Variants in TCTN3 observed in about 807,000 individuals in gnomAD.
The protein encoded by TCTN3 is tectonic family member 3.
Under a neutral mutation model 71.3 loss-of-function variants are expected in TCTN3, and 57 were observed. The ratio of observed to expected loss-of-function variants is 0.80; its 90% CI spans 0.65 to 1.00. The LOEUF is 1.00. TCTN3 is among the 50% of genes least tolerant of loss of function. The pLI is 0.00. For synonymous variants in TCTN3, 258 were observed against 267.8 expected (o/e 0.96, Z 0.36); for missense variants, 696 against 719.9 (o/e 0.97, Z 0.38).
chr10:95,686,648 A>T (rs376397819), intron 6 of TCTN3, 118 bp from the exon 7 acceptor site: 1 of 929,832 alleles, frequency 1.1e-6, no homozygotes, highest in African/African-American at 1.7e-5. Context: ...TCAATATATT[A>T]GAATGATTTA....
intron 7 of TCTN3, 74 bp from the exon 8 acceptor site, chr10:95,685,710 G>A (rs1359911707): frequency 9.4e-6 from 11 of 1,173,020 alleles, no homozygotes; most frequent in Non-Finnish European, 1.2e-5. Context: ...TAGATATCAT[G>A]CTAAGATGAG....
At position 95,687,592 on chromosome 10, in the gene TCTN3, C is replaced by T. The variant is rs752918067; in HGVS notation, c.627G>A (p.Arg209=). 2 of 1,612,960 alleles carry T rather than the reference C, an allele frequency of 1.2e-6. No individual in the cohort carries two copies. The highest frequency in any genetic ancestry group is 1.7e-5 in the Admixed American group (1 of 59,644). The change falls in exon 4 of 14, where the codon AGG becomes AGA. Residue 209 remains arginine, a splice_region_variant and synonymous_variant. Coordinates refer to ENST00000371217, the MANE Select transcript of TCTN3 (RefSeq NM_015631.6). ...ATCCCATCCCCTTCCCCAGGCTCACCCTGTAAAAAGATGGTGGTGATTGAG... is the reference window on the plus strand; with the variant it reads ...ATCCCATCCCCTTCCCCAGGCTCACTCTGTAAAAAGATGGTGGTGATTGAG... The part of the protein sequence containing the change: ...FQTQSPPSFY[R]AGDPILTYFP...
intron 13 of TCTN3, among the ~76,000 whole-genome samples, chr10:95,667,060 T>C (rs1333491122): frequency 6.6e-6 from 1 of 152,200 alleles, no homozygotes; most frequent in East Asian, 1.9e-4. Flanking sequence ...ATACCCAGAA[T>C]TGAACTCTAA....
chr10:95,676,741 C>T (rs1015608047), intron 13 of TCTN3, among the ~76,000 whole-genome samples: 42 of 151,984 alleles, frequency 2.8e-4, no homozygotes, highest in African/African-American at 8.9e-4. Context: ...CTTCTTGATA[C>T]GCTACTTCTA....
Position 95,663,947 on chromosome 10 carries a change from G to C in TCTN3, c.*120C>G, listed in dbSNP as rs1040238214. The C allele has an allele frequency of 8.0e-6, 6 of 749,630 alleles. No individual in the cohort carries two copies. Among genetic ancestry groups the C allele is most frequent in the Non-Finnish European group, 1.4e-5 (6 of 438,382 alleles). The allele number at this position is 749,630 out of a possible 1,614,324, so 46.4% of individuals were successfully genotyped here. A position where few individuals can be genotyped will look rare whatever the true frequency, so the allele number is the denominator to read the frequency against. On this transcript the variant is annotated 3_prime_UTR_variant, in exon 14 of 14. Coordinates refer to ENST00000371217, the MANE Select transcript of TCTN3 (RefSeq NM_015631.6). ...TCATATACAAGGATTCCTTCAGTTA[G>C]GTCCTCTATTATCCTAAATGCTCTC...
chr10:95,683,523 G>A lies in TCTN3; in HGVS notation c.1202C>T (p.Ser401Leu). The change falls in exon 10 of 14, where the codon TCA (serine) becomes TTA (leucine). Residue 401 changes from serine (S) to leucine (L), a missense_variant and splice_region_variant. Physicochemically the swap from Ser to Leu is moderately radical, Grantham distance 145 (BLOSUM62 -2). Transcript: ENST00000371217. Reference protein sequence around the residue: ...LLALTDDISYSMTLLQSQGNG... With the variant: ...LLALTDDISYLMTLLQSQGNG... ...GCCACCCAGCTCTAAAAAGGATACTGAGTAACTTATATCATCAGTCAGAGC... is the reference window on the plus strand; with the variant it reads ...GCCACCCAGCTCTAAAAAGGATACTAAGTAACTTATATCATCAGTCAGAGC... 6.2e-7 allele frequency: 1 copy of A among 1,614,174 alleles called. No homozygotes were observed. Among genetic ancestry groups the A allele is most frequent in the Non-Finnish European group, 8.5e-7 (1 of 1,180,038 alleles).
intron 13 of TCTN3, among the ~76,000 whole-genome samples, chr10:95,672,451 T>A (rs1009762671): frequency 1.3e-5 from 2 of 152,102 alleles, no homozygotes; most frequent in African/African-American, 2.4e-5. Flanking sequence ...ATAAGGAAGA[T>A]GCATTTGTAA....
Position 95,664,069 on chromosome 10 carries a change from A to G in TCTN3, c.1822T>C (p.Ter608ArgextTer23). 1 of 1,613,390 alleles carries G rather than the reference A, an allele frequency of 6.2e-7. No individual in the cohort carries two copies. The highest frequency in any genetic ancestry group is 8.5e-7 in the Non-Finnish European group (1 of 1,179,408). ...GAAATCTGATTATTTTCTTTTCTTC[A>G]CATAGTCTCTAGGTTGAGAACTCCA... Reference protein sequence around the residue: ...LLGVLNLETM* With the variant: ...LLGVLNLETMR Residue 608 changes from the stop codon to arginine (R), a stop_lost, in exon 14 of 14, where the codon TGA (stop) becomes CGA (arginine). Transcript: ENST00000371217.
chr10:95,684,394 C>A, intron 9 of TCTN3, 105 bp downstream of exon 9: 2 of 1,419,574 alleles, frequency 1.4e-6, no homozygotes, highest in Non-Finnish European at 9.5e-7. Flanking sequence ...CTGAACTAGG[C>A]CTTCATATTC....
rs770244023 is a variant in TCTN3 at position 95,684,638 on chromosome 10, A to G, written c.970-14T>C. 4 of 1,612,434 alleles carry G rather than the reference A, an allele frequency of 2.5e-6. No individual in the cohort carries two copies. In the South Asian group the frequency reaches 3.3e-5, roughly 13 times the overall value. ...CTCATAGGTGACCTGAAATGCAAAAAGAATCAATTAATAAAAAGTAGTTAT... is the reference window on the plus strand; with the variant it reads ...CTCATAGGTGACCTGAAATGCAAAAGGAATCAATTAATAAAAAGTAGTTAT... On this transcript the variant is annotated splice_polypyrimidine_tract_variant and intron_variant, in intron 8 of 13. Transcript: ENST00000371217.
chr10:95,689,423 G>C (rs533649320), intron 3 of TCTN3, among the ~76,000 whole-genome samples: 1 of 152,312 alleles, frequency 6.6e-6, no homozygotes, highest in African/African-American at 2.4e-5. Flanking sequence ...ACGCTTCCAA[G>C]AGCTATTTAA....
Position 95,693,356 on chromosome 10 carries a change from A to T in TCTN3, c.377T>A (p.Val126Glu). Residue 126 changes from valine to glutamate, a missense_variant, in exon 2 of 14, where the codon GTA (valine) becomes GAA (glutamate). By Grantham distance (121) the Val-to-Glu change is moderately radical. Coordinates refer to ENST00000371217, the MANE Select transcript of TCTN3 (RefSeq NM_015631.6). ...CAGTCTGAGCAACGAAGCTCACCTT[A>T]CGCTGCCTGGAAGGCAGAAGGAGAA... is the stretch of plus-strand genomic sequence containing the variant. Reference protein sequence around the residue: ...TVFSFCLPGSVRSSSWVCVDN... With the variant: ...TVFSFCLPGSERSSSWVCVDN... The T allele has an allele frequency of 8.4e-6, 13 of 1,551,832 alleles. No homozygotes were observed. The highest frequency in any genetic ancestry group is 1.1e-5 in the Non-Finnish European group (13 of 1,147,004).
At chr10:95,688,157 G>A (rs1048213022) in intron 3 of TCTN3, among the ~76,000 whole-genome samples, 3 of 152,068 alleles carry the variant, frequency 2.0e-5, no homozygotes, top group African/African-American at 7.2e-5. Context: ...GGGAGGCCGA[G>A]GCAGGTGGAT....
At chr10:95,678,739 CTT>C (rs1321156364) in intron 13 of TCTN3, among the ~76,000 whole-genome samples, 1 of 151,882 alleles carries the variant, frequency 6.6e-6, no homozygotes, top group African/African-American at 2.4e-5. Context: ...ATTTGATAAA[CTT>C]TTATGATATA....
intron 12 of TCTN3, 145 bp from the exon 13 acceptor site, chr10:95,680,754 T>A: frequency 5.0e-6 from 4 of 795,022 alleles, no homozygotes; most frequent in Non-Finnish European, 7.5e-6. Context: ...AAGTTCACAA[T>A]AAGACTATGT....
intron 8 of TCTN3, among the ~76,000 whole-genome samples, chr10:95,684,847 G>A (rs2097946746): frequency 6.6e-6 from 1 of 152,150 alleles, no homozygotes; most frequent in African/African-American, 2.4e-5. Context: ...AAGGGTTCAC[G>A]GGTAGGTGAG....
At chr10:95,693,070 T>C (rs1182884898) in intron 2 of TCTN3, 32 bp from the exon 3 acceptor site, 1 of 1,533,406 alleles carries the variant, frequency 6.5e-7, no homozygotes, top group Admixed American at 1.8e-5. Flanking sequence ...AAGATATATT[T>C]AGAAGGGGCG....
intron 13 of TCTN3, among the ~76,000 whole-genome samples, chr10:95,676,678 T>C (rs1027651270): frequency 1.3e-5 from 2 of 152,194 alleles, no homozygotes; most frequent in African/African-American, 4.8e-5. Context: ...TCAACAAAGG[T>C]TGAAAAACAT....
chr10:95,671,766 A>T (rs2097931663), intron 13 of TCTN3, among the ~76,000 whole-genome samples: 1 of 150,796 alleles, frequency 6.6e-6, no homozygotes, highest in Non-Finnish European at 1.5e-5. Flanking sequence ...AATTTTTTGT[A>T]TTTTTTTTTA....
Sources: allele counts gnomAD v4.1 joint callset (sites outside exome capture counted in the v4.1 genomes callset), GRCh38; gene constraint gnomAD v4.1.1; transcripts MANE v1.5; gene names NCBI Gene and HGNC (gene_info 2026-07-23, HGNC 2026-07-21).